The following PIK3CD variants were observed in gnomAD, a reference collection of about 807,000 sequenced individuals.
The protein encoded by PIK3CD is phosphatidylinositol-4,5-bisphosphate 3-kinase catalytic subunit delta, also known as phosphatidylinositol 4,5-bisphosphate 3-kinase catalytic subunit delta isoform.
Under a neutral mutation model 122.9 loss-of-function variants are expected in PIK3CD, and 20 were observed. The ratio of observed to expected loss-of-function variants is 0.16; its 90% CI spans 0.11 to 0.24. The LOEUF (loss-of-function observed/expected upper bound fraction) is 0.24, where lower values mean the gene tolerates loss of function less well. Ranked by LOEUF, PIK3CD falls within the 10% of genes least tolerant of loss-of-function variation. The pLI is 1.00. For synonymous variants in PIK3CD, 596 were observed against 593.4 expected (o/e 1.00, Z -0.06); for missense variants, 787 against 1,406.3 (o/e 0.56, Z 7.04).
At chr1:9,707,951 G>A (rs180857362) in intron 2 of PIK3CD, among the ~76,000 whole-genome samples, 23 of 150,302 alleles carry the variant, frequency 1.5e-4, no homozygotes, top group East Asian at 1.2e-3. Flanking sequence ...CCGCCACCAC[G>A]CCCAGCTAAT....
At chr1:9,648,470 C>G (rs1217203852), upstream of PIK3CD, among the ~76,000 whole-genome samples, 1 of 152,126 alleles carries the variant, frequency 6.6e-6, no homozygotes, top group Non-Finnish European at 1.5e-5. Flanking sequence ...TGCAGCCTAG[C>G]AAAAGCATGG....
In PIK3CD at chr1:9,718,219, G is replaced by T. The variant is rs1173079382; in HGVS notation, c.1021-475G>T. ...AAATCGTATAAGCAGGGCAGGTCTG[G>T]GTTCCACTGGCAGGAATCGAGGGGG... On this transcript the variant is annotated intron_variant, in intron 8 of 23. Transcript: ENST00000377346. The surrounding 1 kb of genome is among the most constrained non-coding windows in gnomAD (Gnocchi z 7.2). The T allele has an allele frequency of 4.3e-6, 2 of 467,778 alleles. No homozygotes were observed. The highest frequency in any genetic ancestry group is 8.5e-6 in the Non-Finnish European group (2 of 235,328). The allele number at this position is 467,778 out of a possible 1,614,324, so 29.0% of individuals were successfully genotyped here.
rs188223131 is a variant in PIK3CD, at chr1:9,656,230, T to A, written c.-138+4428T>A. On this transcript the variant is annotated intron_variant, in intron 1 of 23. Transcript: ENST00000377346. ...GGAGGGATGCTGTACGGGTTAAGTATCCCTTATCCAAAATGCTTGGGACCA... is the reference window on the plus strand; with the variant it reads ...GGAGGGATGCTGTACGGGTTAAGTAACCCTTATCCAAAATGCTTGGGACCA... Among the ~76,000 whole-genome samples, 11 of 152,278 alleles carry A rather than the reference T, an allele frequency of 7.2e-5. No individual in the cohort carries two copies. In the East Asian group the frequency reaches 9.6e-4, roughly 13 times the overall value.
the PIK3CD span, among the ~76,000 whole-genome samples, chr1:9,628,740 G>A: frequency 6.6e-6 from 1 of 152,164 alleles, no homozygotes; most frequent in East Asian, 1.9e-4. Context: ...ATGTTGGGGG[G>A]ATTTCCAGAG....
intron 2 of PIK3CD, among the ~76,000 whole-genome samples, chr1:9,701,286 C>T (rs1646618563): frequency 6.6e-6 from 1 of 152,136 alleles, no homozygotes; most frequent in South Asian, 2.1e-4. Flanking sequence ...CACGAGATCC[C>T]CTGCACCTCG....
the PIK3CD span, among the ~76,000 whole-genome samples, chr1:9,634,033 C>T: frequency 6.6e-6 from 1 of 151,662 alleles, no homozygotes; most frequent in Non-Finnish European, 1.5e-5. Context: ...AGTGCAGTGG[C>T]GTGATCTCGG....
At position 9,712,469 on chromosome 1, in the gene PIK3CD, C is replaced by T. The variant is rs1048245865; in HGVS notation, c.141+1873C>T. On this transcript the variant is annotated intron_variant, in intron 3 of 23. Transcript: ENST00000377346. ...CTAATTTTTGTATTTTTAGTAGAGA[C>T]GGGGTTTCACCATGTTGGCCAGGCT... Among the ~76,000 whole-genome samples the T allele has an allele frequency of 2.6e-5, 4 of 151,808 alleles. 1 individual carries two copies. The highest frequency in any genetic ancestry group is 4.2e-4 in the South Asian group (2 of 4,802).
intron 1 of PIK3CD, among the ~76,000 whole-genome samples, chr1:9,671,655 A>G (rs991390350): frequency 6.6e-6 from 1 of 152,146 alleles, no homozygotes; most frequent in Non-Finnish European, 1.5e-5. Context: ...TATGTTGCCC[A>G]GGCTGCTCTT....
chr1:9,724,038 G>T lies in PIK3CD; in HGVS notation c.2664G>T (p.Val888=), dbSNP rs2100999501. ...CTGGCTATTGTGTGGCCACATATGTGCTGGGCATTGGCGATCGGCACAGCG... is the reference window on the plus strand; with the variant it reads ...CTGGCTATTGTGTGGCCACATATGTTCTGGGCATTGGCGATCGGCACAGCG... The part of the protein sequence containing the change: ...SCAGYCVATY[V]LGIGDRHSDN... The change falls in exon 21 of 24, where the codon GTG becomes GTT. Residue 888 remains valine, a synonymous_variant. Transcript: ENST00000377346. This position sits in a 1 kb window ranked among gnomAD's most constrained non-coding sequence, Gnocchi z 7.3. 6.2e-7 allele frequency: 1 copy of T among 1,614,228 alleles called. No individual in the cohort carries two copies. Among genetic ancestry groups the T allele is most frequent in the South Asian group, 1.1e-5 (1 of 91,086 alleles).
At chr1:9,725,028 C>T in intron 23 of PIK3CD, 92 bp downstream of exon 23, 1 of 1,461,320 alleles carries the variant, frequency 6.8e-7, no homozygotes, top group African/African-American at 1.4e-5. Flanking sequence ...ATGCAGTAGG[C>T]CCCAAAGGGC....
chr1:9,654,632 C>G (rs909185083), intron 1 of PIK3CD: 3 of 363,408 alleles, frequency 8.3e-6, no homozygotes, highest in Non-Finnish European at 1.6e-5. Flanking sequence ...AGCAATTCCC[C>G]TTTGGCTGGG....
intron 1 of PIK3CD, chr1:9,654,425 C>T: frequency 7.3e-7 from 1 of 1,367,504 alleles, no homozygotes; most frequent in Non-Finnish European, 9.8e-7. Flanking sequence ...GGCAGGCAGA[C>T]TGGGAGGGCA....
rs189827150 is a variant in PIK3CD at position 9,693,920 on chromosome 1, A to G, written c.-33+2349A>G. ...AAGCAGGAAGATTACTTGAAAGAGC[A>G]TGGTAGGGTGACAGACCACCCCCCC... is the stretch of plus-strand genomic sequence containing the variant. On this transcript the variant is annotated intron_variant, in intron 2 of 23. Coordinates refer to ENST00000377346, the MANE Select transcript of PIK3CD (RefSeq NM_005026.5). Among the ~76,000 whole-genome samples, 144 of 152,220 alleles carry G rather than the reference A, an allele frequency of 9.5e-4. 3 individuals carry two copies. In the East Asian group the frequency reaches 0.021, roughly 22 times the overall value.
intron 2 of PIK3CD, among the ~76,000 whole-genome samples, chr1:9,701,741 T>C (rs188674820): frequency 6.7e-6 from 1 of 149,218 alleles, no homozygotes; most frequent in Admixed American, 6.7e-5. Context: ...CTACCAAGGA[T>C]AATTGTGAAT....
chr1:9,671,679 CAA>C (rs1396045669), intron 1 of PIK3CD, among the ~76,000 whole-genome samples: 2 of 152,286 alleles, frequency 1.3e-5, no homozygotes, highest in East Asian at 1.9e-4. Flanking sequence ...TTCCTGGACT[CAA>C]GAGATCCTCC....
rs983605358 is a variant in PIK3CD, at chr1:9,722,192, T to A, written c.2234+39T>A. The A allele has an allele frequency of 6.2e-7, 1 of 1,611,672 alleles. No homozygotes were observed. Among genetic ancestry groups the A allele is most frequent in the Admixed American group, 1.7e-5 (1 of 59,820 alleles). On this transcript the variant is annotated intron_variant, in intron 17 of 23. Coordinates refer to ENST00000377346, the MANE Select transcript of PIK3CD (RefSeq NM_005026.5). This position sits in a 1 kb window ranked among gnomAD's most constrained non-coding sequence, Gnocchi z 7.6. ...CCGCCACAAGGGTTCCTCCCACCCC[T>A]GGGAGGCCGGTAGAGGAGCCCCTGC...
chr1:9,703,139 G>A (rs1441735342), intron 2 of PIK3CD, among the ~76,000 whole-genome samples: 1 of 152,226 alleles, frequency 6.6e-6, no homozygotes, highest in Non-Finnish European at 1.5e-5. Context: ...TAGGTAGACA[G>A]TCTGTCGTTT....
the PIK3CD span, among the ~76,000 whole-genome samples, chr1:9,630,992 A>G: frequency 9.2e-5 from 14 of 152,150 alleles, no homozygotes; most frequent in East Asian, 1.9e-4. Context: ...ACCGGGACAG[A>G]GTTCATGCCC....
chr1:9,713,257 A>G (rs896005003), intron 3 of PIK3CD, among the ~76,000 whole-genome samples: 4 of 152,112 alleles, frequency 2.6e-5, no homozygotes, highest in Non-Finnish European at 5.9e-5. Flanking sequence ...CAGGAGGATC[A>G]CTTGAGCCTG....
Sources: gnomAD v4.1 joint callset for allele counts (sites outside exome capture counted in the v4.1 genomes callset) on GRCh38, gnomAD v4.1.1 for gene constraint, Gnocchi (gnomAD v3.1) non-coding constraint, MANE v1.5 for transcripts, NCBI Gene and HGNC (gene_info 2026-07-23, HGNC 2026-07-21) for gene names.